The following GLG1 variants were observed in gnomAD, a reference collection of about 807,000 sequenced individuals.
GLG1 encodes Golgi apparatus protein 1.
GLG1 carries 38 observed loss-of-function variants against 160.5 expected under a neutral mutation model. The ratio of observed to expected loss-of-function variants is 0.24; its 90% CI spans 0.18 to 0.31. The LOEUF (loss-of-function observed/expected upper bound fraction) is 0.31. GLG1 is among the 10% of genes least tolerant of loss of function. The pLI is 1.00. For synonymous variants in GLG1, 644 were observed against 543.4 expected (o/e 1.19, Z -2.57); for missense variants, 1,373 against 1,505.2 (o/e 0.91, Z 1.45).
chr16:74,588,922 ATC>A (rs1567542793), intron 1 of GLG1, among the ~76,000 whole-genome samples: 2 of 151,800 alleles, frequency 1.3e-5, no homozygotes, highest in Non-Finnish European at 2.9e-5. Context: ...TTAGACCAAT[ATC>A]CTTTTTTTTT....
chr16:74,579,588 G>T (rs1005813913), intron 1 of GLG1, among the ~76,000 whole-genome samples: 1 of 151,982 alleles, frequency 6.6e-6, no homozygotes, highest in African/African-American at 2.4e-5. Context: ...CAGGTGTAGT[G>T]GCACACACCT....
chr16:74,577,543 C>A (rs1437609309), intron 1 of GLG1, among the ~76,000 whole-genome samples: 2 of 148,034 alleles, frequency 1.4e-5, no homozygotes, highest in Non-Finnish European at 3.0e-5. Flanking sequence ...AAAAAAGAAT[C>A]CCAAATACAA....
intron 1 of GLG1, among the ~76,000 whole-genome samples, chr16:74,579,402 T>C (rs893066416): frequency 1.3e-5 from 2 of 151,386 alleles, no homozygotes; most frequent in Non-Finnish European, 2.9e-5. Context: ...GGTGACAAAA[T>C]GAGAACTTGT....
chr16:74,463,839 T>C (rs957061360), intron 19 of GLG1: 1 of 218,184 alleles, frequency 4.6e-6, no homozygotes, highest in Admixed American at 5.3e-5. Flanking sequence ...CTTCCCAAAG[T>C]GCTGGGATTA....
chr16:74,451,458 G>A lies in GLG1; in HGVS notation c.*1709C>T, dbSNP rs1311270312. 6.6e-6 allele frequency: 1 copy of A among 152,196 alleles called. No homozygotes were observed. The highest frequency in any genetic ancestry group is 1.5e-5 in the Non-Finnish European group (1 of 68,044). 9.4% of individuals were successfully genotyped at this position (152,196 alleles called of 1,614,324 possible). A position where few individuals can be genotyped will look rare whatever the true frequency, so the allele number is the denominator to read the frequency against. ...AGTCAGGTTAGACAAGGAGTAACTTGGATCAACTGATCCACAAACTGACAC... is the reference window on the plus strand; with the variant it reads ...AGTCAGGTTAGACAAGGAGTAACTTAGATCAACTGATCCACAAACTGACAC... On this transcript the variant is annotated 3_prime_UTR_variant, in exon 26 of 26. Transcript: ENST00000422840.
At chr16:74,512,304 T>G (rs1331175904) in intron 2 of GLG1, among the ~76,000 whole-genome samples, 1 of 150,022 alleles carries the variant, frequency 6.7e-6, no homozygotes, top group Admixed American at 6.7e-5. Context: ...TTGCCCAGGC[T>G]AGAAGTACAG....
chr16:74,597,758 G>C (rs1321016147), intron 1 of GLG1, among the ~76,000 whole-genome samples: 1 of 151,736 alleles, frequency 6.6e-6, no homozygotes, highest in Non-Finnish European at 1.5e-5. Context: ...GGAGGCTGAA[G>C]CAGGAGAATG....
intron 1 of GLG1, among the ~76,000 whole-genome samples, chr16:74,602,603 G>A (rs1168343318): frequency 2.0e-5 from 3 of 152,044 alleles, no homozygotes; most frequent in African/African-American, 4.8e-5. Flanking sequence ...CCAATATAGT[G>A]AAACCCTGTC....
intron 1 of GLG1, among the ~76,000 whole-genome samples, chr16:74,567,536 C>CTA (rs1217685795): frequency 6.9e-6 from 1 of 145,608 alleles, no homozygotes; most frequent in Non-Finnish European, 1.5e-5. Context: ...TGAAACCTTA[C>CTA]TATATATGGT....
intron 3 of GLG1, among the ~76,000 whole-genome samples, chr16:74,506,928 G>A (rs575849620): frequency 1.3e-5 from 2 of 152,260 alleles, no homozygotes; most frequent in South Asian, 2.1e-4. Flanking sequence ...GGTACCATGA[G>A]CAAAATGCTG....
At chr16:74,589,833 A>T (rs549578018) in intron 1 of GLG1, among the ~76,000 whole-genome samples, 1 of 152,262 alleles carries the variant, frequency 6.6e-6, no homozygotes, top group Admixed American at 6.5e-5. Flanking sequence ...GCTGCTCAGG[A>T]GGCTGAGGCA....
At chr16:74,485,987 A>G (rs2015773991) in intron 8 of GLG1, 70 bp from the exon 9 acceptor site, 2 of 1,222,514 alleles carry the variant, frequency 1.6e-6, no homozygotes, top group Admixed American at 1.9e-5. Context: ...GTGTCTTCAT[A>G]CATTCAGTTG....
chr16:74,574,238 AT>A (rs1443083665), intron 1 of GLG1, among the ~76,000 whole-genome samples: 3 of 152,240 alleles, frequency 2.0e-5, no homozygotes. Flanking sequence ...GACTATTTAA[AT>A]TCAGAGGGTG....
rs942501508 is a variant in GLG1 at position 74,489,094 on chromosome 16, G to A, written c.1449+1907C>T. Among the ~76,000 whole-genome samples the A allele has an allele frequency of 2.6e-5, 4 of 152,160 alleles. 1 individual carries two copies. In the South Asian group the frequency reaches 6.2e-4, roughly 24 times the overall value. ...AGCTACATTTTAAAAAGCCCTGGGT[G>A]TGAATTAGGTGCCTCGAAATAAAGT... On this transcript the variant is annotated intron_variant, in intron 8 of 25. Transcript: ENST00000422840.
intron 20 of GLG1, 37 bp from the exon 21 acceptor site, chr16:74,462,667 C>T (rs1000527415): frequency 1.0e-5 from 16 of 1,604,668 alleles, no homozygotes; most frequent in Non-Finnish European, 1.2e-5. Flanking sequence ...ACAAAACATT[C>T]CACCTGATTC....
Position 74,491,010 on chromosome 16 carries a change from G to A in GLG1, c.1440C>T (p.Cys480=). The A allele has an allele frequency of 1.2e-6, 2 of 1,612,020 alleles. No individual in the cohort carries two copies. Among genetic ancestry groups the A allele is most frequent in the Non-Finnish European group, 1.7e-6 (2 of 1,178,102 alleles). The change falls in exon 8 of 26, where the codon TGC becomes TGT. Residue 480 remains cysteine (C), a synonymous_variant. Transcript: ENST00000422840. ...RGEKGNLGMN[C]QQALQTLIQE... is the part of the protein sequence containing the mutation. The stretch of plus-strand genomic sequence containing the variant: ...AGCAATGTCTCCTTACCGCCTGCTG[G>A]CAGTTCATTCCAAGGTTCCCCTTCT...
At chr16:74,533,307 C>T (rs1357100661) in intron 1 of GLG1, among the ~76,000 whole-genome samples, 13 of 152,172 alleles carry the variant, frequency 8.5e-5, no homozygotes, top group South Asian at 2.1e-4. Flanking sequence ...GGCCACAGAG[C>T]GAGACTCCGT....
chr16:74,607,053 C>A lies in GLG1; in HGVS notation c.42G>T (p.Ser14=), dbSNP rs1200157246. The A allele has an allele frequency of 6.3e-7, 1 of 1,588,282 alleles. No individual in the cohort carries two copies. The highest frequency in any genetic ancestry group is 1.1e-5 in the South Asian group (1 of 88,390). ...CGRVRRMFRL[S]AALHLLLLFA... is the part of the protein sequence containing the mutation. ...ATAGCAGCAGCAGATGCAGCGCCGC[C>A]GACAAGCGGAACATCCTCCGTACAC... The change falls in exon 1 of 26, where the codon TCG becomes TCT. Residue 14 remains serine, a synonymous_variant. Transcript: ENST00000422840.
intron 3 of GLG1, among the ~76,000 whole-genome samples, chr16:74,507,404 G>GTA (rs1032608512): frequency 3.3e-5 from 5 of 151,862 alleles, no homozygotes; most frequent in East Asian, 1.9e-4. Context: ...ACATATGCGG[G>GTA]TATATATATA....
Sources: gnomAD v4.1 joint callset for allele counts (sites outside exome capture counted in the v4.1 genomes callset) on GRCh38, gnomAD v4.1.1 for gene constraint, MANE v1.5 for transcripts, NCBI Gene and HGNC (gene_info 2026-07-23, HGNC 2026-07-21) for gene names.